The following HSF1 variants were observed in gnomAD, a reference collection of about 807,000 sequenced individuals.
The protein encoded by HSF1 is heat shock factor protein 1.
In HSF1, 32 loss-of-function variants were observed where a neutral mutation model predicts 51.7. That is an observed-to-expected ratio of 0.62 (90% CI 0.47 to 0.83). HSF1 has a LOEUF of 0.83. HSF1 is among the 40% of genes least tolerant of loss of function. The pLI, the probability that HSF1 is intolerant of heterozygous loss-of-function variation, is 0.00. For missense variants in HSF1, 727 were observed against 717.0 expected, an observed-to-expected ratio of 1.01 and a Z score of -0.16; for synonymous variants, 396 against 309.7, an observed-to-expected ratio of 1.28 and a Z score of -2.92.
rs146075122 is a variant in HSF1, at chr8:144,305,723, A to ATTTTT, written c.118-3160_118-3156dup. ...GTCTGCTCTTAAGCCCCTCTGGTTAATTTTTTTTTTTTTTTTTTTTTTTTT... is the reference window on the plus strand; with the variant it reads ...GTCTGCTCTTAAGCCCCTCTGGTTAATTTTTTTTTTTTTTTTTTTTTTTTTTTTTT... On this transcript the variant is annotated intron_variant, in intron 1 of 12. Transcript: ENST00000528838. Among the ~76,000 whole-genome samples the ATTTTT allele has an allele frequency of 5.7e-4, 45 of 78,526 alleles. 2 individuals are homozygous for ATTTTT. Among genetic ancestry groups the ATTTTT allele is most frequent in the Non-Finnish European group, 6.8e-4 (31 of 45,728 alleles). 51.5% of individuals were successfully genotyped at this position (78,526 alleles called of 152,430 possible). A position where few individuals can be genotyped will look rare whatever the true frequency, so the allele number is the denominator to read the frequency against.
Position 144,297,879 on chromosome 8 carries a change from G to A in HSF1, c.117+6005G>A, listed in dbSNP as rs1815574923. On this transcript the variant is annotated intron_variant, in intron 1 of 12. Transcript: ENST00000528838. This position sits in a 1 kb window ranked among gnomAD's most constrained non-coding sequence, Gnocchi z 4.6. ...AGGGAGCCCTTTGAGAAGATACTCA[G>A]AGACACAGACACTTTCTATGTAAGG... 6.6e-6 allele frequency among the ~76,000 whole-genome samples: 1 copy of A among 152,226 alleles called. No homozygotes were observed. Among genetic ancestry groups the A allele is most frequent in the Non-Finnish European group, 1.5e-5 (1 of 68,050 alleles).
In HSF1 at chr8:144,313,968, C is replaced by G; in HGVS notation, c.1315-17C>G. ...GAGACCAGCGGGAGTGCTCACAATA[C>G]CGTCTCCACCCCACAGATCCAAGAG... On this transcript the variant is annotated splice_polypyrimidine_tract_variant and intron_variant, in intron 11 of 12. Transcript: ENST00000528838. 6.2e-7 allele frequency: 1 copy of G among 1,610,906 alleles called. No individual in the cohort carries two copies. The highest frequency in any genetic ancestry group is 8.5e-7 in the Non-Finnish European group (1 of 1,179,298).
chr8:144,314,011 G>GC lies in HSF1; in HGVS notation c.1347dup (p.Arg450GlnfsTer44), dbSNP rs782603208. 5 of 1,610,474 alleles carry GC rather than the reference G, an allele frequency of 3.1e-6. No homozygotes were observed. The highest frequency in any genetic ancestry group is 3.4e-6 in the Non-Finnish European group (4 of 1,179,330). On this transcript the variant is annotated frameshift_variant, in exon 12 of 13. Transcript: ENST00000528838. LOFTEE classifies it high-confidence loss of function. ...TCCAAGAGCTCCTGTCTCCCCAGGAGCCCCCCAGGCCTCCCGAGGCAGAGA... is the reference window on the plus strand; with the variant it reads ...TCCAAGAGCTCCTGTCTCCCCAGGAGCCCCCCCAGGCCTCCCGAGGCAGAGA...
Position 144,314,528 on chromosome 8 carries a change from C to T in HSF1, c.*198C>T. 1.7e-6 allele frequency: 1 copy of T among 601,238 alleles called. No individual in the cohort carries two copies. The highest frequency in any genetic ancestry group is 3.0e-6 in the Non-Finnish European group (1 of 338,314). The allele number at this position is 601,238 out of a possible 1,614,324, so 37.2% of individuals were successfully genotyped here. Reference sequence around the variant, plus strand: ...CCTGCCAGTCTGCCTTCCCCCAACCCCGTGTCCTGTGGTTTGGTTGGGGCT... The same window carrying T: ...CCTGCCAGTCTGCCTTCCCCCAACCTCGTGTCCTGTGGTTTGGTTGGGGCT... On this transcript the variant is annotated 3_prime_UTR_variant, in exon 13 of 13. Transcript: ENST00000528838.
rs1178445655 is a variant in HSF1 at position 144,313,282 on chromosome 8, C to T, written c.1143-229C>T. 4 of 533,712 alleles carry T rather than the reference C, an allele frequency of 7.5e-6. No homozygotes were observed. In the Admixed American group the frequency reaches 1.4e-4, roughly 18 times the overall value. The allele number at this position is 533,712 out of a possible 1,614,324, so 33.1% of individuals were successfully genotyped here. On this transcript the variant is annotated intron_variant, in intron 9 of 12. Transcript: ENST00000528838. ...GTCCACTGCCACCAAGGCCCCCAGG[C>T]CCTCATGGCAAAGGGATGCCCAGCA...
In HSF1 at chr8:144,297,667, G is replaced by T. The variant is rs1473997452; in HGVS notation, c.117+5793G>T. Among the ~76,000 whole-genome samples, 2 of 152,078 alleles carry T rather than the reference G, an allele frequency of 1.3e-5. No individual in the cohort carries two copies. Among genetic ancestry groups the T allele is most frequent in the Non-Finnish European group, 2.9e-5 (2 of 68,002 alleles). ...GTGGGCCACAGCTACTCACACACGC[G>T]CTCCCTTTGCTCCTAAAGCCTATAC... On this transcript the variant is annotated intron_variant, in intron 1 of 12. Coordinates refer to ENST00000528838, the MANE Select transcript of HSF1 (RefSeq NM_005526.4). The surrounding 1 kb of genome is among the most constrained non-coding windows in gnomAD (Gnocchi z 4.6).
In HSF1 at chr8:144,309,007, C is replaced by T. The variant is rs782062255; in HGVS notation, c.219C>T (p.Leu73=). 6.2e-7 allele frequency: 1 copy of T among 1,612,748 alleles called. No individual in the cohort carries two copies. The highest frequency in any genetic ancestry group is 1.1e-5 in the South Asian group (1 of 91,056). Residue 73 remains leucine, a synonymous_variant, in exon 2 of 13, where the codon CTC becomes CTT. Transcript: ENST00000528838. Reference sequence around the variant, plus strand: ...ACATGGCCAGCTTCGTGCGGCAGCTCAACATGTGTGAGTGCTGCCTCCAGG... The same window carrying T: ...ACATGGCCAGCTTCGTGCGGCAGCTTAACATGTGTGAGTGCTGCCTCCAGG... ...HNNMASFVRQ[L]NMYGFRKVVH...
intron 1 of HSF1, 132 bp downstream of exon 1, chr8:144,292,006 C>T (rs999589750): frequency 7.9e-5 from 37 of 465,422 alleles, no homozygotes; most frequent in Non-Finnish European, 1.2e-4. Flanking sequence ...GCCCTGCCCC[C>T]GCCAGAGAAG....
chr8:144,310,845 G>A (rs1389919562), intron 4 of HSF1: 1 of 395,286 alleles, frequency 2.5e-6, no homozygotes, highest in Non-Finnish European at 4.7e-6. Context: ...GGCGGCCCAA[G>A]GGTCTGCTCC....
At position 144,314,009 on chromosome 8, in the gene HSF1, G is replaced by A; in HGVS notation, c.1339G>A (p.Glu447Lys). ...ASIQELLSPQ[E>K]PPRPPEAENS... ...GATCCAAGAGCTCCTGTCTCCCCAG[G>A]AGCCCCCCAGGCCTCCCGAGGCAGA... Residue 447 changes from glutamate to lysine, a missense_variant, in exon 12 of 13, where the codon GAG becomes AAG. Glu to Lys is a moderately conservative substitution (Grantham distance 56). Around this residue, in one of 2 missense-constraint regions of HSF1, gnomAD observed 470 missense variants for 398.8 expected, o/e 1.18. Coordinates refer to ENST00000528838, the MANE Select transcript of HSF1 (RefSeq NM_005526.4). 1 of 1,610,914 alleles carries A rather than the reference G, an allele frequency of 6.2e-7. No homozygotes were observed. The highest frequency in any genetic ancestry group is 8.5e-7 in the Non-Finnish European group (1 of 1,179,392).
chr8:144,311,787 C>G lies in HSF1; in HGVS notation c.811C>G (p.Leu271Val), dbSNP rs781850996. Residue 271 changes from leucine to valine, a missense_variant, in exon 8 of 13, where the codon CTG (leucine) becomes GTG (valine). Leu to Val is a conservative substitution (Grantham distance 32). Coordinates refer to ENST00000528838, the MANE Select transcript of HSF1 (RefSeq NM_005526.4). ...ACCCATCATCTCCGACATCACCGAG[C>G]TGGCTCCTGCCAGCCCCATGGCCTC... ...SGPIISDITELAPASPMASPG... is the reference protein window; with the variant it reads ...SGPIISDITEVAPASPMASPG... The G allele has an allele frequency of 3.1e-6, 5 of 1,612,528 alleles. No homozygotes were observed.
rs1439452165 is a variant in HSF1, at chr8:144,297,449, G to T, written c.117+5575G>T. On this transcript the variant is annotated intron_variant, in intron 1 of 12. Coordinates refer to ENST00000528838, the MANE Select transcript of HSF1 (RefSeq NM_005526.4). The surrounding 1 kb of genome is among the most constrained non-coding windows in gnomAD (Gnocchi z 4.6). ...GCTGCTCTTGGTCCTTGTGTGGCGA[G>T]AACACGCTGGAAGCTCCTCCAGAGC... 6.6e-6 allele frequency among the ~76,000 whole-genome samples: 1 copy of T among 152,228 alleles called. No individual in the cohort carries two copies. The highest frequency in any genetic ancestry group is 1.5e-5 in the Non-Finnish European group (1 of 68,052).
At position 144,291,748 on chromosome 8, in the gene HSF1, C is replaced by A. The variant is rs1554840370; in HGVS notation, c.-10C>A. On this transcript the variant is annotated 5_prime_UTR_variant, in exon 1 of 13. Coordinates refer to ENST00000528838, the MANE Select transcript of HSF1 (RefSeq NM_005526.4). This position sits in a 1 kb window ranked among gnomAD's most constrained non-coding sequence, Gnocchi z 4.1. ...GGCCGCTCCCTCCGCCTATTCCCTCCTTGCTCGAGATGGATCTGCCCGTGG... is the reference window on the plus strand; with the variant it reads ...GGCCGCTCCCTCCGCCTATTCCCTCATTGCTCGAGATGGATCTGCCCGTGG... 3 of 1,476,834 alleles carry A rather than the reference C, an allele frequency of 2.0e-6. No individual in the cohort carries two copies. In the Admixed American group the frequency reaches 6.4e-5, roughly 32 times the overall value. 91.5% of individuals were successfully genotyped at this position (1,476,834 alleles called of 1,614,324 possible). A position where few individuals can be genotyped will look rare whatever the true frequency, so the allele number is the denominator to read the frequency against.
At chr8:144,313,639 G>GCCGCCCCGACGCC (rs782738060) in intron 10 of HSF1, 23 bp downstream of exon 10, 1 of 438,814 alleles carries the variant, frequency 2.3e-6, no homozygotes, top group Non-Finnish European at 3.3e-6. Flanking sequence ...CCGCCGCCCC[G>GCCGCCCCGACGCC]CCTCCCCGCC....
At chr8:144,307,509 G>A (rs1816300251) in intron 1 of HSF1, among the ~76,000 whole-genome samples, 1 of 152,268 alleles carries the variant, frequency 6.6e-6, no homozygotes, top group Non-Finnish European at 1.5e-5. Context: ...GGAGGCCAAG[G>A]TGGGCGGATT....
At chr8:144,308,312 A>G (rs1350754832) in intron 1 of HSF1, among the ~76,000 whole-genome samples, 1 of 152,238 alleles carries the variant, frequency 6.6e-6, no homozygotes. Flanking sequence ...GCCTCCTGAT[A>G]GCTCTGGGCC....
chr8:144,313,375 G>GC (rs1236329787), intron 9 of HSF1, 136 bp from the exon 10 acceptor site: 3 of 620,786 alleles, frequency 4.8e-6, no homozygotes, highest in Non-Finnish European at 8.7e-6. Context: ...CGAATGCGCT[G>GC]CCCCCTCCAG....
At position 144,314,011 on chromosome 8, in the gene HSF1, G is replaced by C. The variant is rs782786886; in HGVS notation, c.1341G>C (p.Glu447Asp). The change falls in exon 12 of 13, where the codon GAG becomes GAC. Residue 447 changes from glutamate (E) to aspartate (D), a missense_variant. Transcript: ENST00000528838. ...ASIQELLSPQ[E>D]PPRPPEAENS... is the part of the protein sequence containing the mutation. ...TCCAAGAGCTCCTGTCTCCCCAGGA[G>C]CCCCCCAGGCCTCCCGAGGCAGAGA... 2 of 1,610,466 alleles carry C rather than the reference G, an allele frequency of 1.2e-6. No individual in the cohort carries two copies. The highest frequency in any genetic ancestry group is 2.7e-5 in the African/African-American group (2 of 74,224).
intron 9 of HSF1, 69 bp from the exon 10 acceptor site, chr8:144,313,442 C>T: frequency 1.9e-6 from 2 of 1,040,632 alleles, no homozygotes; most frequent in Non-Finnish European, 1.5e-6. Context: ...GGGAGCCCTT[C>T]TCCCACAGGA....
Sources: allele counts gnomAD v4.1 joint callset (sites outside exome capture counted in the v4.1 genomes callset), GRCh38; gene constraint gnomAD v4.1.1; regional missense constraint gnomAD v4.1.1; non-coding constraint Gnocchi (gnomAD v3.1); transcripts MANE v1.5; gene names NCBI Gene and HGNC (gene_info 2026-07-23, HGNC 2026-07-21).